The following NSMCE2 variants were observed in gnomAD, a reference collection of about 807,000 sequenced individuals.
NSMCE2 encodes the protein E3 SUMO-protein ligase NSE2.
A neutral mutation model predicts 23.8 loss-of-function variants in NSMCE2; 24 were observed. The observed-to-expected ratio is 1.01, with a 90% CI of 0.73 to 1.42. NSMCE2 has a LOEUF of 1.42. Ranked by LOEUF, NSMCE2 falls within the 40% of genes most tolerant of loss-of-function variation. The pLI is 0.00. For synonymous variants in NSMCE2, 92 were observed against 94.1 expected (o/e 0.98, Z 0.13); for missense variants, 284 against 296.5 (o/e 0.96, Z 0.31).
At chr8:125,216,657 A>C (rs549553625) in intron 5 of NSMCE2, among the ~76,000 whole-genome samples, 1 of 150,648 alleles carries the variant, frequency 6.6e-6, no homozygotes, top group African/African-American at 2.4e-5. Flanking sequence ...AAAATGGTCT[A>C]TGGGTTTTGG....
At chr8:125,357,432 A>G in intron 6 of NSMCE2, 113 bp downstream of exon 6, 1 of 776,062 alleles carries the variant, frequency 1.3e-6, no homozygotes. Context: ...GAGGGAGTAA[A>G]GAAAAGTGCT....
intron 5 of NSMCE2, among the ~76,000 whole-genome samples, chr8:125,341,553 G>A (rs1830245103): frequency 6.6e-6 from 1 of 151,990 alleles, no homozygotes; most frequent in Non-Finnish European, 1.5e-5. Context: ...TGTGGTTTTT[G>A]TTACTGCGTT....
chr8:125,269,854 A>G (rs1255406412), intron 5 of NSMCE2, among the ~76,000 whole-genome samples: 1 of 152,236 alleles, frequency 6.6e-6, no homozygotes, highest in Non-Finnish European at 1.5e-5. Context: ...AGAGTGTAAC[A>G]AAGTAAGCTA....
intron 5 of NSMCE2, among the ~76,000 whole-genome samples, chr8:125,194,623 T>C (rs1823521488): frequency 6.6e-6 from 1 of 152,212 alleles, no homozygotes; most frequent in South Asian, 2.1e-4. Context: ...ATAAGATTGA[T>C]GGCTTTGGTA....
chr8:125,289,194 T>C (rs1828012663), intron 5 of NSMCE2, among the ~76,000 whole-genome samples: 1 of 151,576 alleles, frequency 6.6e-6, no homozygotes, highest in Non-Finnish European at 1.5e-5. Context: ...TCATACTTAC[T>C]TCCTAGAGTA....
rs150871303 is a variant in NSMCE2 at position 125,173,017 on chromosome 8, G to A, written c.265-9086G>A. 6.6e-3 allele frequency among the ~76,000 whole-genome samples: 1,006 copies of A among 152,218 alleles called. 7 individuals are homozygous for A. The highest frequency in any genetic ancestry group is 0.023 in the African/African-American group (972 of 41,542). On this transcript the variant is annotated intron_variant, in intron 4 of 7. Coordinates refer to ENST00000287437, the MANE Select transcript of NSMCE2 (RefSeq NM_173685.4). ...CCATTATCTTTCACCGCTAGATGTG[G>A]TCAAACCAACAGGTGTTCCAGGTTC...
At chr8:125,202,846 T>TG (rs1421397707) in intron 5 of NSMCE2, among the ~76,000 whole-genome samples, 1 of 152,234 alleles carries the variant, frequency 6.6e-6, no homozygotes, top group African/African-American at 2.4e-5. Flanking sequence ...GATAAAATAT[T>TG]GCTGGACTTT....
intron 5 of NSMCE2, among the ~76,000 whole-genome samples, chr8:125,215,291 G>A (rs894044336): frequency 4.0e-5 from 6 of 148,228 alleles, no homozygotes; most frequent in African/African-American, 1.5e-4. Flanking sequence ...AATATGCGGT[G>A]TTTGGTTTTT....
intron 7 of NSMCE2, among the ~76,000 whole-genome samples, chr8:125,361,801 G>C (rs1475884009): frequency 2.0e-5 from 3 of 152,208 alleles, no homozygotes. Flanking sequence ...TGACTCAGGG[G>C]TTGTAAGATA....
intron 5 of NSMCE2, among the ~76,000 whole-genome samples, chr8:125,283,935 C>T (rs1194474445): frequency 6.6e-6 from 1 of 152,114 alleles, no homozygotes; most frequent in Non-Finnish European, 1.5e-5. Context: ...GGGCAGATCA[C>T]AAGGTCAGGA....
In NSMCE2 at chr8:125,141,688, C is replaced by T. The variant is rs931860363; in HGVS notation, c.158-9483C>T. 1.1e-4 allele frequency among the ~76,000 whole-genome samples: 16 copies of T among 152,170 alleles called. No individual in the cohort carries two copies. In the East Asian group the frequency reaches 2.9e-3, roughly 27 times the overall value. ...AAGTGTTTTTGTTTGACCATTTTAA[C>T]TCTAATGTAGTCTCTGTGGAGAGGA... On this transcript the variant is annotated intron_variant, in intron 3 of 7. Transcript: ENST00000287437.
In NSMCE2 at chr8:125,277,588, G is replaced by A. The variant is rs186791192; in HGVS notation, c.419-79631G>A. The stretch of plus-strand genomic sequence containing the variant: ...GTGGCGCGATCTCAGCTCACTGCAA[G>A]CTCCGCCTCCCAGGTTCACGCCATT... On this transcript the variant is annotated intron_variant, in intron 5 of 7. Coordinates refer to ENST00000287437, the MANE Select transcript of NSMCE2 (RefSeq NM_173685.4). Among the ~76,000 whole-genome samples, 332 of 151,672 alleles carry A rather than the reference G, an allele frequency of 2.2e-3. 1 individual carries two copies. Among genetic ancestry groups the A allele is most frequent in the African/African-American group, 7.6e-3 (314 of 41,346 alleles).
chr8:125,151,459 G>A, intron 4 of NSMCE2, 182 bp downstream of exon 4: 1 of 418,942 alleles, frequency 2.4e-6, no homozygotes. Flanking sequence ...TTCCTGGCTA[G>A]GCCACTTAGG....
intron 5 of NSMCE2, among the ~76,000 whole-genome samples, chr8:125,353,472 C>T (rs550807469): frequency 6.6e-6 from 1 of 152,266 alleles, no homozygotes; most frequent in African/African-American, 2.4e-5. Flanking sequence ...AACTCTTGCA[C>T]TATGAATACC....
chr8:125,288,202 G>A (rs919068682), intron 5 of NSMCE2, among the ~76,000 whole-genome samples: 1 of 151,886 alleles, frequency 6.6e-6, no homozygotes, highest in African/African-American at 2.4e-5. Flanking sequence ...TTATTATCAC[G>A]GCTGCAGCTC....
intron 5 of NSMCE2, among the ~76,000 whole-genome samples, chr8:125,327,216 A>C (rs1473586611): frequency 1.3e-5 from 2 of 150,840 alleles, no homozygotes; most frequent in Non-Finnish European, 2.9e-5. Context: ...CAGTGAGCCA[A>C]GATCACACCA....
intron 5 of NSMCE2, among the ~76,000 whole-genome samples, chr8:125,195,831 G>A (rs1823585239): frequency 7.4e-6 from 1 of 135,178 alleles, no homozygotes; most frequent in Admixed American, 7.3e-5. Flanking sequence ...TATTTGCCTT[G>A]TATTTGTTAA....
intron 5 of NSMCE2, among the ~76,000 whole-genome samples, chr8:125,275,027 AT>A (rs1470241050): frequency 2.0e-5 from 3 of 149,604 alleles, no homozygotes; most frequent in Non-Finnish European, 4.4e-5. Context: ...AATAATAATA[AT>A]AATAATAAAT....
chr8:125,176,361 T>C (rs965181762), intron 4 of NSMCE2, among the ~76,000 whole-genome samples: 5 of 152,218 alleles, frequency 3.3e-5, no homozygotes, highest in African/African-American at 1.2e-4. Context: ...ACTTTGTGGA[T>C]ATTTTCTTTT....
Sources: gnomAD v4.1 joint callset for allele counts (sites outside exome capture counted in the v4.1 genomes callset) on GRCh38, gnomAD v4.1.1 for gene constraint, MANE v1.5 for transcripts, NCBI Gene and HGNC (gene_info 2026-07-23, HGNC 2026-07-21) for gene names.